The following SYT1 variants were observed in gnomAD, a reference collection of about 807,000 sequenced individuals.
SYT1 encodes synaptotagmin-1.
In SYT1, 8 loss-of-function variants were observed where a neutral mutation model predicts 44.8. The observed-to-expected ratio is 0.18, with a 90% CI of 0.10 to 0.32. The LOEUF is 0.32. SYT1 is among the 10% of genes least tolerant of loss of function. SYT1 has a pLI of 1.00. For synonymous variants in SYT1, 154 were observed against 188.8 expected (o/e 0.82, Z 1.51); for missense variants, 286 against 509.3 (o/e 0.56, Z 4.22).
chr12:79,099,281 A>C (rs1055828856), intron 3 of SYT1, among the ~76,000 whole-genome samples: 3 of 152,148 alleles, frequency 2.0e-5, no homozygotes, highest in African/African-American at 7.2e-5. Context: ...GTATTAATTC[A>C]AAAAATCCAT....
intron 9 of SYT1, among the ~76,000 whole-genome samples, chr12:79,355,193 G>C (rs1418061427): frequency 1.3e-5 from 2 of 152,086 alleles, no homozygotes; most frequent in East Asian, 3.9e-4. Context: ...AGGCATTTTG[G>C]AACTTGGCTA....
At chr12:79,285,138 G>A (rs1879246609) in intron 4 of SYT1, among the ~76,000 whole-genome samples, 1 of 152,146 alleles carries the variant, frequency 6.6e-6, no homozygotes, top group East Asian at 1.9e-4. Context: ...CCCCATGCTT[G>A]ATTTTCAAAT....
At chr12:78,993,241 A>G (rs779717031) in intron 2 of SYT1, among the ~76,000 whole-genome samples, 18 of 152,238 alleles carry the variant, frequency 1.2e-4, no homozygotes, top group Non-Finnish European at 2.1e-4. Context: ...CCTTATCAGA[A>G]CAACCAGGTG....
intron 9 of SYT1, among the ~76,000 whole-genome samples, chr12:79,390,217 A>G (rs952023160): frequency 5.1e-4 from 78 of 152,174 alleles, no homozygotes; most frequent in South Asian, 1.0e-3. Context: ...ACAGGCGTGA[A>G]CCACCGCGCC....
intron 9 of SYT1, chr12:79,392,863 G>A (rs1884720777): frequency 1.7e-5 from 2 of 117,926 alleles, no homozygotes; most frequent in South Asian, 5.5e-4. Flanking sequence ...GTGCAGTTTT[G>A]TTACATAGGT....
At chr12:79,294,503 A>G (rs1879785483) in intron 6 of SYT1, among the ~76,000 whole-genome samples, 1 of 152,180 alleles carries the variant, frequency 6.6e-6, no homozygotes, top group African/African-American at 2.4e-5. Context: ...TTCATGGTAC[A>G]GAGAAATGTG....
chr12:79,160,883 G>C (rs1870907245), intron 3 of SYT1, among the ~76,000 whole-genome samples: 1 of 152,086 alleles, frequency 6.6e-6, no homozygotes, highest in South Asian at 2.1e-4. Context: ...AAGTCATGTG[G>C]TGCATAATGA....
chr12:78,870,954 T>C (rs914135101), intron 1 of SYT1, among the ~76,000 whole-genome samples: 3 of 152,074 alleles, frequency 2.0e-5, no homozygotes, highest in Non-Finnish European at 4.4e-5. Flanking sequence ...TCTTATATAA[T>C]TTTAGGATAA....
chr12:79,379,301 C>T (rs139755297), intron 9 of SYT1, among the ~76,000 whole-genome samples: 34 of 152,214 alleles, frequency 2.2e-4, no homozygotes, highest in African/African-American at 7.2e-4. Flanking sequence ...CAAATTGAAA[C>T]CCTGTCGTTT....
intron 9 of SYT1, among the ~76,000 whole-genome samples, chr12:79,441,660 AC>A (rs966985579): frequency 6.6e-6 from 1 of 152,156 alleles, no homozygotes; most frequent in African/African-American, 2.4e-5. Flanking sequence ...ATAGTAGAAT[AC>A]ATCTGAGTCA....
At chr12:79,171,190 C>T (rs1390520674) in intron 3 of SYT1, among the ~76,000 whole-genome samples, 1 of 151,946 alleles carries the variant, frequency 6.6e-6, no homozygotes, top group East Asian at 1.9e-4. Context: ...TATTTGGTTC[C>T]ACATGAATTT....
chr12:79,348,103 C>A (rs558438857), intron 8 of SYT1, among the ~76,000 whole-genome samples: 12 of 152,088 alleles, frequency 7.9e-5, no homozygotes, highest in African/African-American at 2.9e-4. Flanking sequence ...TCATATCAGG[C>A]CTTTTAGTGT....
At chr12:79,030,373 AT>A (rs977457638) in intron 2 of SYT1, among the ~76,000 whole-genome samples, 1 of 150,966 alleles carries the variant, frequency 6.6e-6, no homozygotes, top group African/African-American at 2.4e-5. Flanking sequence ...ACTCTCTAGA[AT>A]CCAAACATTC....
intron 3 of SYT1, among the ~76,000 whole-genome samples, chr12:79,152,528 A>G (rs1445832658): frequency 1.3e-5 from 2 of 152,050 alleles, no homozygotes; most frequent in Non-Finnish European, 2.9e-5. Flanking sequence ...ATGAGAGAGG[A>G]ATTATCTGTT....
chr12:79,285,216 T>G (rs956572626), intron 4 of SYT1, among the ~76,000 whole-genome samples: 7 of 152,238 alleles, frequency 4.6e-5, no homozygotes, highest in Admixed American at 2.0e-4. Context: ...TATATACAAC[T>G]AATATCTGCC....
intron 1 of SYT1, among the ~76,000 whole-genome samples, chr12:78,949,980 C>A (rs1878877064): frequency 6.6e-6 from 1 of 151,810 alleles, no homozygotes; most frequent in Non-Finnish European, 1.5e-5. Context: ...CTTTTTTTCA[C>A]AAGTTACAAA....
chr12:78,917,351 C>G (rs145713801), intron 1 of SYT1, among the ~76,000 whole-genome samples: 30 of 152,008 alleles, frequency 2.0e-4, no homozygotes, highest in Non-Finnish European at 2.9e-4. Context: ...AATTAGTTTC[C>G]ATACCCAAAG....
chr12:78,959,469 A>G (rs757332136), intron 1 of SYT1, among the ~76,000 whole-genome samples: 15 of 152,116 alleles, frequency 9.9e-5, no homozygotes, highest in Admixed American at 2.6e-4. Flanking sequence ...ATTTTGCTTC[A>G]AATTTGTTCT....
intron 3 of SYT1, among the ~76,000 whole-genome samples, chr12:79,098,077 G>A (rs1028650636): frequency 2.0e-5 from 3 of 151,944 alleles, no homozygotes; most frequent in Non-Finnish European, 2.9e-5. Flanking sequence ...CATTTAATGA[G>A]TTTCTATGCT....
Sources: allele counts gnomAD v4.1 joint callset (sites outside exome capture counted in the v4.1 genomes callset), GRCh38; gene constraint gnomAD v4.1.1; transcripts MANE v1.5; gene names NCBI Gene and HGNC (gene_info 2026-07-23, HGNC 2026-07-21).